Variants in IFT172 observed in about 807,000 individuals in gnomAD.
IFT172 encodes intraflagellar transport protein 172 homolog.
In IFT172, 164 loss-of-function variants were observed where a neutral mutation model predicts 248.9. The observed-to-expected ratio is 0.66, with a 90% confidence interval of 0.58 to 0.75. The LOEUF is 0.75. Ranked by LOEUF, IFT172 falls within the 30% of genes least tolerant of loss-of-function variation. The pLI, the probability that IFT172 is intolerant of heterozygous loss-of-function variation, is 0.00. For missense variants in IFT172, 1,950 were observed against 2,192.4 expected, an observed-to-expected ratio of 0.89 and a Z score of 2.21; for synonymous variants, 729 against 791.6, an observed-to-expected ratio of 0.92 and a Z score of 1.33.
chr2:27,475,064 A>C (rs1292068399), intron 14 of IFT172, among the ~76,000 whole-genome samples: 1 of 148,474 alleles, frequency 6.7e-6, no homozygotes, highest in Non-Finnish European at 1.5e-5. Context: ...AAAATGGGTA[A>C]GAGATAGGAA....
Position 27,446,319 on chromosome 2 carries a change from G to A in IFT172, c.4696C>T (p.Arg1566Cys), listed in dbSNP as rs1307442302. 3 of 1,614,100 alleles carry A rather than the reference G, an allele frequency of 1.9e-6. No individual in the cohort carries two copies. Among genetic ancestry groups the A allele is most frequent in the African/African-American group, 2.7e-5 (2 of 74,938 alleles). ...VAARLSVSLL[R>C]HTQLLPVDKA... is the part of the protein sequence containing the mutation. ...TCTACAGGTAGTAGCTGGGTGTGAC[G>A]CAAGAGTGAAACAGAAAGCCTGGCA... The change falls in exon 43 of 48, where the codon CGT becomes TGT. Residue 1566 changes from arginine (R) to cysteine (C), a missense_variant. Coordinates refer to ENST00000260570, the MANE Select transcript of IFT172 (RefSeq NM_015662.3).
intron 15 of IFT172, chr2:27,471,999 C>T: frequency 1.8e-6 from 1 of 557,574 alleles, no homozygotes; most frequent in Non-Finnish European, 3.2e-6. Context: ...GATTGTACCA[C>T]TGCACTCCAG....
At chr2:27,457,791 G>A (rs1666282358) in intron 28 of IFT172, 36 bp from the exon 29 acceptor site, 1 of 1,614,160 alleles carries the variant, frequency 6.2e-7, no homozygotes, top group Non-Finnish European at 8.5e-7. Context: ...GAGATGGGGA[G>A]ATGGAGCCTG....
chr2:27,476,538 G>A (rs753317552), intron 14 of IFT172, 103 bp downstream of exon 14: 16 of 706,092 alleles, frequency 2.3e-5, no homozygotes, highest in Non-Finnish European at 3.5e-5. Context: ...TTTACCTGGT[G>A]CGTCTCAGAT....
In IFT172 at chr2:27,447,832, G is replaced by A. The variant is rs150246251; in HGVS notation, c.4519C>T (p.Arg1507Ter). The A allele has an allele frequency of 3.7e-6, 6 of 1,612,946 alleles. No individual in the cohort carries two copies. The African/African-American group carries it at 5.3e-5, about 14-fold the overall frequency. Residue 1507 changes from arginine (R) to a stop codon, truncating the protein, a stop_gained, in exon 41 of 48, where the codon CGA becomes TGA. Transcript: ENST00000260570. LOFTEE classifies it high-confidence loss of function. ...CTCACCAGGTTGAAGAGGACATCTC[G>A]AAGATCAGCCCAGCTATGATAGGCC... Reference protein sequence around the residue: ...AEAYHSWADLRDVLFNLCENL... With the variant: ...AEAYHSWADL
At chr2:27,447,774 G>C (rs766525835) in intron 41 of IFT172, 38 bp downstream of exon 41, 1 of 1,592,826 alleles carries the variant, frequency 6.3e-7, no homozygotes, top group Non-Finnish European at 8.6e-7. Context: ...GAAGAGATGA[G>C]GACAAGGACA....
intron 16 of IFT172, among the ~76,000 whole-genome samples, chr2:27,470,096 T>C (rs1337416020): frequency 6.6e-6 from 1 of 151,866 alleles, no homozygotes; most frequent in Non-Finnish European, 1.5e-5. Flanking sequence ...AAACACAAAA[T>C]TAGCTGGACA....
At chr2:27,484,070 G>A (rs1008626796) in intron 4 of IFT172, 133 bp from the exon 5 acceptor site, 17 of 1,268,762 alleles carry the variant, frequency 1.3e-5, no homozygotes, top group Non-Finnish European at 1.8e-5. Flanking sequence ...CTCTAAGGAA[G>A]ACAGCAGATG....
chr2:27,473,829 CAG>C (rs535499428), intron 14 of IFT172, among the ~76,000 whole-genome samples: 113 of 151,938 alleles, frequency 7.4e-4, no homozygotes, highest in African/African-American at 2.2e-3. Context: ...TCCCCCGAGA[CAG>C]AGTTTCACTC....
chr2:27,464,636 T>C (rs1183008517), intron 18 of IFT172, among the ~76,000 whole-genome samples: 1 of 152,184 alleles, frequency 6.6e-6, no homozygotes, highest in Non-Finnish European at 1.5e-5. Flanking sequence ...TTTTTTTTTT[T>C]TGAGATACGA....
Position 27,456,627 on chromosome 2 carries a change from A to C in IFT172, c.3255T>G (p.Asn1085Lys). The C allele has an allele frequency of 6.2e-7, 1 of 1,614,074 alleles. No homozygotes were observed. The highest frequency in any genetic ancestry group is 8.5e-7 in the Non-Finnish European group (1 of 1,179,966). Residue 1085 changes from asparagine to lysine, a missense_variant, in exon 30 of 48, where the codon AAT (asparagine) becomes AAG (lysine). Physicochemically the swap from Asn to Lys is moderately conservative, Grantham distance 94. Coordinates refer to ENST00000260570, the MANE Select transcript of IFT172 (RefSeq NM_015662.3). ...ACAGATAGGCCACGTGTTTGTGGGC[A>C]TTAGCCCCTCCTTGAGTTCTGGCCA... ...YRVARTQGGA[N>K]AHKHVAYLWA...
chr2:27,474,160 G>C (rs961414317), intron 14 of IFT172, among the ~76,000 whole-genome samples: 1 of 152,154 alleles, frequency 6.6e-6, no homozygotes, highest in South Asian at 2.1e-4. Context: ...GAGTGAAATT[G>C]CTTGTCCAAG....
At chr2:27,448,289 C>T (rs921448600) in intron 40 of IFT172, among the ~76,000 whole-genome samples, 5 of 152,106 alleles carry the variant, frequency 3.3e-5, no homozygotes, top group Admixed American at 6.6e-5. Flanking sequence ...TTAGTAGAGA[C>T]GGGGTTTCAC....
Position 27,444,986 on chromosome 2 carries a change from C to T in IFT172, c.5160+28G>A, listed in dbSNP as rs375966926. 1.4e-5 allele frequency: 22 copies of T among 1,609,194 alleles called. No individual in the cohort carries two copies. The African/African-American group carries it at 2.5e-4, about 19-fold the overall frequency. ...CTTTTTTTAGTGCTGCCCTCTCTGC[C>T]TTCATTCTCCAAGTCCTCCTCTCTA... On this transcript the variant is annotated intron_variant, in intron 47 of 47. Transcript: ENST00000260570.
intron 10 of IFT172, 85 bp downstream of exon 10, chr2:27,479,424 T>C (rs1216377641): frequency 3.7e-6 from 3 of 803,038 alleles, no homozygotes; most frequent in East Asian, 2.4e-5. Flanking sequence ...ATTTGAACTA[T>C]GGCTGTGGCC....
At chr2:27,464,130 A>G (rs1666899129) in intron 18 of IFT172, among the ~76,000 whole-genome samples, 1 of 152,222 alleles carries the variant, frequency 6.6e-6, no homozygotes, top group Non-Finnish European at 1.5e-5. Flanking sequence ...AGTGGTCTGC[A>G]CAAGGATGGA....
chr2:27,489,699 G>C lies in IFT172; in HGVS notation c.-46C>G. The C allele has an allele frequency of 6.6e-7, 1 of 1,517,648 alleles. No individual in the cohort carries two copies. The highest frequency in any genetic ancestry group is 9.1e-7 in the Non-Finnish European group (1 of 1,100,650). 94.0% of individuals were successfully genotyped at this position (1,517,648 alleles called of 1,614,324 possible). On this transcript the variant is annotated 5_prime_UTR_variant, in exon 1 of 48. Coordinates refer to ENST00000260570, the MANE Select transcript of IFT172 (RefSeq NM_015662.3). ...ATGCTCCTAGACAGCGACAACTCCC[G>C]TGGTTACCTGGACAACCCGCCACGC...
intron 5 of IFT172, 48 bp downstream of exon 5, chr2:27,483,823 AC>A (rs1161548812): frequency 1.3e-6 from 2 of 1,518,180 alleles, no homozygotes. Context: ...TCTCTCCAGA[AC>A]CATTATCCCT....
At chr2:27,472,856 A>T (rs1319798732) in intron 14 of IFT172, among the ~76,000 whole-genome samples, 1 of 152,198 alleles carries the variant, frequency 6.6e-6, no homozygotes, top group East Asian at 1.9e-4. Flanking sequence ...TCTTCTAGAC[A>T]TTATCAGAAA....
Sources: gnomAD v4.1 joint callset for allele counts (sites outside exome capture counted in the v4.1 genomes callset) on GRCh38, gnomAD v4.1.1 for gene constraint, MANE v1.5 for transcripts, NCBI Gene and HGNC (gene_info 2026-07-23, HGNC 2026-07-21) for gene names.